The following EMB variants were observed in gnomAD, a reference collection of about 807,000 sequenced individuals.
EMB encodes the protein embigin.
EMB carries 31 observed loss-of-function variants against 41.4 expected under a neutral mutation model. The ratio of observed to expected loss-of-function variants is 0.75; its 90% CI spans 0.56 to 1.01. The LOEUF is 1.01. Among genes scored for constraint, EMB ranks in the 50% least tolerant of loss-of-function variants. The probability of loss-of-function intolerance (pLI) is 0.00; values close to 1 mark genes in which losing one functional copy is unlikely to be tolerated. For synonymous variants in EMB, 137 were observed against 140.4 expected, an observed-to-expected ratio of 0.98 and a Z score of 0.17; for missense variants, 379 against 388.3, an observed-to-expected ratio of 0.98 and a Z score of 0.20.
At chr5:50,419,532 T>TACACACACACACAC (rs1442610577) in intron 2 of EMB, among the ~76,000 whole-genome samples, 11 of 139,170 alleles carry the variant, frequency 7.9e-5, no homozygotes, top group Non-Finnish European at 1.2e-4. Flanking sequence ...GAACCCCCAC[T>TACACACACACACAC]ACATACACAC....
chr5:50,405,374 T>TAAAA (rs1745230757), intron 5 of EMB, among the ~76,000 whole-genome samples: 1 of 151,914 alleles, frequency 6.6e-6, no homozygotes, highest in Non-Finnish European at 1.5e-5. Context: ...GTTACTTTCA[T>TAAAA]GGAATGATTT....
intron 2 of EMB, among the ~76,000 whole-genome samples, chr5:50,421,635 A>G (rs13168063): frequency 0.51 from 76,365 of 151,054 alleles, 20,250 homozygotes; most frequent in African/African-American, 0.67. Flanking sequence ...GCAAAGACTT[A>G]GAACCAACCC....
chr5:50,399,495 C>T (rs528774695), intron 8 of EMB, among the ~76,000 whole-genome samples: 1 of 151,796 alleles, frequency 6.6e-6, no homozygotes, highest in Non-Finnish European at 1.5e-5. Context: ...TAAGTTTATA[C>T]CCCCAAATAT....
intron 2 of EMB, among the ~76,000 whole-genome samples, chr5:50,426,590 C>G (rs1247018024): frequency 2.6e-5 from 4 of 152,038 alleles, no homozygotes; most frequent in African/African-American, 4.8e-5. Flanking sequence ...AATCTCTCTA[C>G]AAGATACATT....
Position 50,409,535 on chromosome 5 carries a change from G to C in EMB, c.472+1342C>G, listed in dbSNP as rs78390047. Among the ~76,000 whole-genome samples the C allele has an allele frequency of 1.6e-3, 249 of 151,772 alleles. 3 individuals carry two copies. Among genetic ancestry groups the C allele is most frequent in the East Asian group, 0.015 (77 of 5,146 alleles). On this transcript the variant is annotated intron_variant, in intron 4 of 8. Coordinates refer to ENST00000303221, the MANE Select transcript of EMB (RefSeq NM_198449.3). Reference sequence around the variant, plus strand: ...TGTTCACTGAAATTTTGTGTGTTTAGTATTATTTTTTGCTCATTGGGAAGA... The same window carrying C: ...TGTTCACTGAAATTTTGTGTGTTTACTATTATTTTTTGCTCATTGGGAAGA...
At chr5:50,401,067 G>T (rs540307245) in intron 7 of EMB, among the ~76,000 whole-genome samples, 1 of 152,008 alleles carries the variant, frequency 6.6e-6, no homozygotes, top group Admixed American at 6.6e-5. Flanking sequence ...AAATAGGAAA[G>T]ATTAAAAGTT....
Position 50,399,698 on chromosome 5 carries a change from A to G in EMB, c.966+161T>C, listed in dbSNP as rs894244245. On this transcript the variant is annotated intron_variant, in intron 8 of 8. Transcript: ENST00000303221. ...GAAAATGATTTATTTTTGTATAACT[A>G]TACTGTATATTTTCCCCTATAATAG... Among the ~76,000 whole-genome samples the G allele has an allele frequency of 5.9e-5, 9 of 151,960 alleles. 1 individual carries two copies. The South Asian group carries it at 1.4e-3, about 24-fold the overall frequency.
intron 1 of EMB, among the ~76,000 whole-genome samples, chr5:50,437,098 C>T (rs1745816149): frequency 6.6e-6 from 1 of 151,984 alleles, no homozygotes; most frequent in Non-Finnish European, 1.5e-5. Flanking sequence ...TAGTGAAACC[C>T]CATCTCTACA....
chr5:50,431,167 T>C (rs773203934), intron 1 of EMB, among the ~76,000 whole-genome samples: 1 of 152,164 alleles, frequency 6.6e-6, no homozygotes, highest in Non-Finnish European at 1.5e-5. Context: ...AAGTGCCAAG[T>C]GCAAAAGAAC....
At chr5:50,425,925 C>T (rs1376150139) in intron 2 of EMB, among the ~76,000 whole-genome samples, 1 of 152,108 alleles carries the variant, frequency 6.6e-6, no homozygotes, top group Non-Finnish European at 1.5e-5. Flanking sequence ...CTCAGGTGAT[C>T]TGCCTGCCTC....
At chr5:50,421,329 T>C (rs773628512) in intron 2 of EMB, among the ~76,000 whole-genome samples, 1 of 151,994 alleles carries the variant, frequency 6.6e-6, no homozygotes, top group Admixed American at 6.6e-5. Flanking sequence ...GAAATGCAAA[T>C]CAAAACCACA....
intron 5 of EMB, among the ~76,000 whole-genome samples, chr5:50,404,393 A>G (rs1197669377): frequency 1.3e-5 from 2 of 151,946 alleles, no homozygotes; most frequent in Non-Finnish European, 2.9e-5. Context: ...ATAAGTACCC[A>G]GCTGATTCTG....
chr5:50,436,640 G>A (rs554941849), intron 1 of EMB, among the ~76,000 whole-genome samples: 7 of 152,282 alleles, frequency 4.6e-5, no homozygotes, highest in Admixed American at 1.3e-4. Context: ...CAAGCTGCCC[G>A]CTGCAGGAGC....
intron 1 of EMB, among the ~76,000 whole-genome samples, chr5:50,440,368 T>C (rs769264231): frequency 3.3e-5 from 5 of 151,770 alleles, no homozygotes; most frequent in Non-Finnish European, 7.4e-5. Flanking sequence ...GCCCAGTCTC[T>C]ACTAAAAATA....
chr5:50,427,816 A>G (rs531744671), intron 2 of EMB, among the ~76,000 whole-genome samples: 2 of 152,172 alleles, frequency 1.3e-5, no homozygotes, highest in Non-Finnish European at 2.9e-5. Flanking sequence ...TCTCTTCTTG[A>G]CCTAGAGTGA....
intron 2 of EMB, among the ~76,000 whole-genome samples, chr5:50,420,034 G>C (rs1476513285): frequency 1.8e-5 from 1 of 56,666 alleles, no homozygotes; most frequent in East Asian, 7.4e-4. Context: ...TGTCGATGGA[G>C]GGCAGGGGTG....
intron 4 of EMB, among the ~76,000 whole-genome samples, chr5:50,409,576 GA>G: frequency 6.6e-6 from 1 of 151,398 alleles, no homozygotes; most frequent in Non-Finnish European, 1.5e-5. Context: ...AGAAAGGGAG[GA>G]AAAAAGGAAG....
Position 50,441,198 on chromosome 5 carries a change from C to T in EMB, c.-47G>A. 1 of 1,210,978 alleles carries T rather than the reference C, an allele frequency of 8.3e-7. No homozygotes were observed. Among genetic ancestry groups the T allele is most frequent in the East Asian group, 3.2e-5 (1 of 31,720 alleles). The allele number at this position is 1,210,978 out of a possible 1,614,324, so 75.0% of individuals were successfully genotyped here. On this transcript the variant is annotated 5_prime_UTR_variant, in exon 1 of 9. Coordinates refer to ENST00000303221, the MANE Select transcript of EMB (RefSeq NM_198449.3). ...GTCCTCGTGGAGACTGCTCCCTCAGCTCGCCGCCGCGGGTGTCCAGAGTCC... is the reference window on the plus strand; with the variant it reads ...GTCCTCGTGGAGACTGCTCCCTCAGTTCGCCGCCGCGGGTGTCCAGAGTCC...
chr5:50,425,613 GT>G lies in EMB; in HGVS notation c.196+2530del, dbSNP rs1325148559. Among the ~76,000 whole-genome samples, 19 of 152,174 alleles carry G rather than the reference GT, an allele frequency of 1.2e-4. No homozygotes were observed. The East Asian group carries it at 3.5e-3, about 28-fold the overall frequency. On this transcript the variant is annotated intron_variant, in intron 2 of 8. Transcript: ENST00000303221. ...AAAATAGTCCATTACCAAAAGATCT[GT>G]TTTAAAACCTCTGAGAGCAGAAAAA...
Sources: allele counts gnomAD v4.1 joint callset (sites outside exome capture counted in the v4.1 genomes callset), GRCh38; gene constraint gnomAD v4.1.1; transcripts MANE v1.5; gene names NCBI Gene and HGNC (gene_info 2026-07-23, HGNC 2026-07-21).